Variants in BTBD9 observed in about 807,000 individuals in gnomAD.
BTBD9 encodes BTB domain containing 9, also known as BTB/POZ domain-containing protein 9.
A neutral mutation model predicts 64.3 loss-of-function variants in BTBD9; 49 were observed. That is an observed-to-expected ratio of 0.76 (90% confidence interval 0.61 to 0.97). BTBD9 has a LOEUF of 0.97. Among genes scored for constraint, BTBD9 ranks in the 50% least tolerant of loss-of-function variants. The probability of loss-of-function intolerance (pLI) is 0.00; values close to 1 mark genes in which losing one functional copy is unlikely to be tolerated. For missense variants in BTBD9, 598 were observed against 762.1 expected, an observed-to-expected ratio of 0.78 and a Z score of 2.53; for synonymous variants, 260 against 274.7, an observed-to-expected ratio of 0.95 and a Z score of 0.53.
At chr6:38,439,855 C>T (rs1425744309) in intron 6 of BTBD9, among the ~76,000 whole-genome samples, 3 of 152,120 alleles carry the variant, frequency 2.0e-5, no homozygotes, top group Admixed American at 6.5e-5. Context: ...TACTGTTCCA[C>T]GTTCTGGAAA....
intron 9 of BTBD9, among the ~76,000 whole-genome samples, chr6:38,209,929 A>G (rs1446698477): frequency 6.6e-6 from 1 of 152,210 alleles, no homozygotes; most frequent in Admixed American, 6.5e-5. Flanking sequence ...TGCTCATAGC[A>G]TAATTTTCCC....
At chr6:38,237,617 T>C (rs1176775228) in intron 9 of BTBD9, among the ~76,000 whole-genome samples, 1 of 152,188 alleles carries the variant, frequency 6.6e-6, no homozygotes, top group Non-Finnish European at 1.5e-5. Flanking sequence ...GTTACCAAGA[T>C]GCCTACAGAA....
intron 7 of BTBD9, among the ~76,000 whole-genome samples, chr6:38,311,290 C>T (rs1762823076): frequency 6.6e-6 from 1 of 151,886 alleles, no homozygotes; most frequent in African/African-American, 2.4e-5. Context: ...ATTCTACTCT[C>T]TATCTCCATG....
chr6:38,381,237 CAATA>C (rs1317146025), intron 6 of BTBD9, among the ~76,000 whole-genome samples: 1 of 151,562 alleles, frequency 6.6e-6, no homozygotes, highest in African/African-American at 2.4e-5. Flanking sequence ...TTACAAGAAA[CAATA>C]AAATATAAGG....
chr6:38,338,110 C>A (rs1456362941), intron 7 of BTBD9, among the ~76,000 whole-genome samples: 1 of 152,168 alleles, frequency 6.6e-6, no homozygotes, highest in African/African-American at 2.4e-5. Context: ...GTAGTCCCCC[C>A]TTATCTGCAG....
intron 6 of BTBD9, among the ~76,000 whole-genome samples, chr6:38,541,461 A>T (rs772071157): frequency 3.3e-5 from 5 of 152,210 alleles, no homozygotes; most frequent in Admixed American, 6.5e-5. Context: ...CATTCTGGCC[A>T]GGCGCAGTGG....
intron 6 of BTBD9, among the ~76,000 whole-genome samples, chr6:38,468,791 AAT>A (rs910921115): frequency 3.3e-5 from 5 of 152,168 alleles, no homozygotes; most frequent in African/African-American, 1.2e-4. Context: ...ACAACCTTAG[AAT>A]ATAAAACTTT....
At chr6:38,582,304 T>G (rs1259611139) in intron 4 of BTBD9, among the ~76,000 whole-genome samples, 1 of 152,236 alleles carries the variant, frequency 6.6e-6, no homozygotes, top group Non-Finnish European at 1.5e-5. Context: ...ATTTAACAAA[T>G]CTTCTATAAT....
At chr6:38,553,411 G>A (rs1582623444) in intron 6 of BTBD9, among the ~76,000 whole-genome samples, 1 of 152,290 alleles carries the variant, frequency 6.6e-6, no homozygotes, top group African/African-American at 2.4e-5. Flanking sequence ...CCAACACAAA[G>A]CTGTCATCTT....
intron 6 of BTBD9, among the ~76,000 whole-genome samples, chr6:38,483,738 T>C (rs1308469083): frequency 4.6e-5 from 7 of 152,184 alleles, no homozygotes; most frequent in Non-Finnish European, 8.8e-5. Context: ...CAGCCTTTAC[T>C]CTTGCTGTTC....
In BTBD9 at chr6:38,217,086, A is replaced by T. The variant is rs374163016; in HGVS notation, c.1563-24489T>A. On this transcript the variant is annotated intron_variant, in intron 9 of 10. Transcript: ENST00000481247. ...CACTTTGGGAGGCCGAGGTGGGTGG[A>T]TCATGAGGTCAGGAGATCAAGACCA... Among the ~76,000 whole-genome samples the T allele has an allele frequency of 7.5e-4, 114 of 151,216 alleles. 3 individuals carry two copies. The South Asian group carries it at 0.023, about 30-fold the overall frequency.
chr6:38,628,975 T>C (rs1195236136), intron 1 of BTBD9, among the ~76,000 whole-genome samples: 3 of 151,604 alleles, frequency 2.0e-5, no homozygotes, highest in African/African-American at 4.9e-5. Context: ...GGGGACATGA[T>C]AGACAGACAC....
chr6:38,437,416 G>A (rs1456750199), intron 6 of BTBD9, among the ~76,000 whole-genome samples: 2 of 152,138 alleles, frequency 1.3e-5, no homozygotes, highest in African/African-American at 4.8e-5. Context: ...AATATAGGAC[G>A]ATGCAAATAC....
chr6:38,483,199 T>C (rs1162288129), intron 6 of BTBD9, among the ~76,000 whole-genome samples: 2 of 151,954 alleles, frequency 1.3e-5, no homozygotes, highest in Non-Finnish European at 2.9e-5. Context: ...GCTACCCCTA[T>C]TCCCTCAGCC....
At position 38,169,037 on chromosome 6, in the gene BTBD9, C is replaced by T. The variant is rs1458746418; in HGVS notation, c.*5948G>A. The T allele has an allele frequency of 6.6e-6, 1 of 152,390 alleles. No homozygotes were observed. The highest frequency in any genetic ancestry group is 1.5e-5 in the Non-Finnish European group (1 of 68,212). 9.4% of individuals were successfully genotyped at this position (152,390 alleles called of 1,614,324 possible). The stretch of plus-strand genomic sequence containing the variant: ...GAGGGCGCACCAAGGCCTGGAGAGC[C>T]TTGGGGAGAGATCAGGCCCCACAGA... On this transcript the variant is annotated 3_prime_UTR_variant, in exon 11 of 11. Coordinates refer to ENST00000481247, the MANE Select transcript of BTBD9 (RefSeq NM_001099272.2).
intron 6 of BTBD9, among the ~76,000 whole-genome samples, chr6:38,389,330 T>A (rs184281403): frequency 1.3e-5 from 2 of 152,336 alleles, no homozygotes; most frequent in Admixed American, 1.3e-4. Flanking sequence ...TAATGATACA[T>A]TACTGCATCA....
chr6:38,631,610 C>T (rs994443029), intron 1 of BTBD9, among the ~76,000 whole-genome samples: 3 of 152,116 alleles, frequency 2.0e-5, no homozygotes, highest in African/African-American at 7.2e-5. Context: ...TTCTGAGGTC[C>T]CCTACCAACA....
chr6:38,440,383 G>T (rs1768973399), intron 6 of BTBD9, among the ~76,000 whole-genome samples: 1 of 152,188 alleles, frequency 6.6e-6, no homozygotes, highest in South Asian at 2.1e-4. Flanking sequence ...GGAGCAGGGT[G>T]TTAACAACTG....
intron 6 of BTBD9, among the ~76,000 whole-genome samples, chr6:38,523,503 C>G (rs756728883): frequency 1.3e-5 from 2 of 152,174 alleles, no homozygotes; most frequent in Non-Finnish European, 2.9e-5. Flanking sequence ...TTCAAACCCT[C>G]CTGTTTCAGA....
Sources: allele counts gnomAD v4.1 joint callset (sites outside exome capture counted in the v4.1 genomes callset), GRCh38; gene constraint gnomAD v4.1.1; transcripts MANE v1.5; gene names NCBI Gene and HGNC (gene_info 2026-07-23, HGNC 2026-07-21).